The following ANKRD13C variants were observed in gnomAD, a reference collection of about 807,000 sequenced individuals.
ANKRD13C encodes the protein ankyrin repeat domain-containing protein 13C.
Under a neutral mutation model 65.5 loss-of-function variants are expected in ANKRD13C, and 16 were observed. That is an observed-to-expected ratio of 0.24 (90% confidence interval 0.17 to 0.37). ANKRD13C has a LOEUF of 0.37. ANKRD13C is among the 10% of genes least tolerant of loss of function. The probability of loss-of-function intolerance (pLI) is 1.00; values close to 1 mark genes in which losing one functional copy is unlikely to be tolerated. For missense variants in ANKRD13C, 503 were observed against 655.9 expected, an observed-to-expected ratio of 0.77 and a Z score of 2.55; for synonymous variants, 235 against 238.7, an observed-to-expected ratio of 0.98 and a Z score of 0.14.
intron 3 of ANKRD13C, among the ~76,000 whole-genome samples, chr1:70,318,389 T>C (rs1378196129): frequency 6.6e-6 from 1 of 152,192 alleles, no homozygotes; most frequent in Non-Finnish European, 1.5e-5. Context: ...AACTATGCCC[T>C]ACTGCTCCAA....
At chr1:70,330,574 C>CAAAAAAAAAA (rs71071394) in intron 2 of ANKRD13C, among the ~76,000 whole-genome samples, 101 of 68,282 alleles carry the variant, frequency 1.5e-3, no homozygotes, top group African/African-American at 2.0e-3. Context: ...ACAAACAAAC[C>CAAAAAAAAAA]AAAAAAAAAA....
chr1:70,307,630 G>A (rs1417754369), intron 5 of ANKRD13C, among the ~76,000 whole-genome samples: 2 of 152,112 alleles, frequency 1.3e-5, no homozygotes, highest in Non-Finnish European at 2.9e-5. Context: ...GTGAAATAAT[G>A]TAAGAAATCT....
intron 1 of ANKRD13C, among the ~76,000 whole-genome samples, chr1:70,352,779 G>T (rs1289888752): frequency 3.9e-5 from 6 of 152,190 alleles, no homozygotes; most frequent in Non-Finnish European, 8.8e-5. Flanking sequence ...ATGTAGGAAA[G>T]AAAAACTGGC....
intron 1 of ANKRD13C, among the ~76,000 whole-genome samples, chr1:70,338,951 G>A (rs992912349): frequency 2.0e-5 from 3 of 152,152 alleles, no homozygotes; most frequent in African/African-American, 7.2e-5. Context: ...GCCGGGCGCG[G>A]TGGCTCACGC....
chr1:70,321,518 C>A (rs1681304708), intron 3 of ANKRD13C, among the ~76,000 whole-genome samples: 1 of 152,118 alleles, frequency 6.6e-6, no homozygotes, highest in Non-Finnish European at 1.5e-5. Flanking sequence ...ACTACCATAA[C>A]ACAAGTATAC....
chr1:70,295,340 C>T (rs1199067357), intron 8 of ANKRD13C, among the ~76,000 whole-genome samples: 4 of 151,898 alleles, frequency 2.6e-5, no homozygotes, highest in African/African-American at 7.3e-5. Flanking sequence ...CTCCACCTCC[C>T]GGGTTCAAGC....
At chr1:70,303,211 T>G (rs773013392) in intron 6 of ANKRD13C, among the ~76,000 whole-genome samples, 16 of 152,238 alleles carry the variant, frequency 1.1e-4, no homozygotes, top group Non-Finnish European at 2.2e-4. Context: ...ACATATTAGA[T>G]GACCTGGTAA....
At position 70,324,927 on chromosome 1, in the gene ANKRD13C, G is replaced by C; in HGVS notation, c.503C>G (p.Ala168Gly). ...CTGAGCATTTTTCACCTTGACTGGA[G>C]CATTGTGAGCCAAAAGTAAATGGGC... ...ECAHLLLAHN[A>G]PVKVKNAQGW... is the part of the protein sequence containing the mutation. Residue 168 changes from alanine to glycine, a missense_variant, in exon 3 of 13, where the codon GCT (alanine) becomes GGT (glycine). By Grantham distance (60) the Ala-to-Gly change is moderately conservative (BLOSUM62 0). Transcript: ENST00000370944. 1.2e-6 allele frequency: 2 copies of C among 1,611,250 alleles called. No individual in the cohort carries two copies. Among genetic ancestry groups the C allele is most frequent in the South Asian group, 2.2e-5 (2 of 90,450 alleles).
chr1:70,314,837 TACAG>T (rs1451094574), intron 4 of ANKRD13C, among the ~76,000 whole-genome samples: 4 of 151,308 alleles, frequency 2.6e-5, no homozygotes, highest in African/African-American at 4.9e-5. Flanking sequence ...GCAGCAGAAA[TACAG>T]AGAAGAGAGT....
rs1681234255 is a variant in ANKRD13C, at chr1:70,319,895, A to T, written c.578-4329T>A. 3.9e-5 allele frequency among the ~76,000 whole-genome samples: 6 copies of T among 152,178 alleles called. No homozygotes were observed. The South Asian group carries it at 1.2e-3, about 32-fold the overall frequency. On this transcript the variant is annotated intron_variant, in intron 3 of 12. Coordinates refer to ENST00000370944, the MANE Select transcript of ANKRD13C (RefSeq NM_030816.5). ...AGTAGGATGACTTCCTCAATATCAA[A>T]GTTAATGGCACATCCTGACTATGTT...
At position 70,297,775 on chromosome 1, in the gene ANKRD13C, T is replaced by C. The variant is rs558811881; in HGVS notation, c.922-1514A>G. 8.4e-4 allele frequency among the ~76,000 whole-genome samples: 125 copies of C among 149,362 alleles called. No homozygotes were observed. The Middle Eastern group carries it at 0.017, about 21-fold the overall frequency. ...CTAAAAAAAAAAAATTAGCCGGGCA[T>C]GGTGGCACGCGCCTGTAGTCCCAGC... On this transcript the variant is annotated intron_variant, in intron 7 of 12. Coordinates refer to ENST00000370944, the MANE Select transcript of ANKRD13C (RefSeq NM_030816.5).
At chr1:70,308,457 G>A (rs944455936) in intron 5 of ANKRD13C, among the ~76,000 whole-genome samples, 2 of 151,892 alleles carry the variant, frequency 1.3e-5, no homozygotes, top group African/African-American at 4.8e-5. Flanking sequence ...AAAGAAAAGG[G>A]CAAGGCGCGG....
chr1:70,332,742 A>G (rs977645133), intron 2 of ANKRD13C, among the ~76,000 whole-genome samples: 1 of 152,224 alleles, frequency 6.6e-6, no homozygotes, highest in Non-Finnish European at 1.5e-5. Context: ...CTAGGATTAC[A>G]GACGTGAGCC....
intron 1 of ANKRD13C, among the ~76,000 whole-genome samples, chr1:70,340,175 G>A (rs1432562913): frequency 1.3e-5 from 2 of 152,048 alleles, no homozygotes; most frequent in Non-Finnish European, 2.9e-5. Flanking sequence ...TCTTTTCAAA[G>A]AACAAAGTGT....
intron 3 of ANKRD13C, among the ~76,000 whole-genome samples, chr1:70,321,946 CA>C (rs1681325937): frequency 6.6e-6 from 1 of 151,954 alleles, no homozygotes; most frequent in Non-Finnish European, 1.5e-5. Context: ...TCTGATTTTT[CA>C]AAAAACATAA....
rs1042568920 is a variant in ANKRD13C, at chr1:70,296,323, A to C, written c.922-62T>G. 122 of 1,487,810 alleles carry C rather than the reference A, an allele frequency of 8.2e-5. No individual in the cohort carries two copies. Among genetic ancestry groups the C allele is most frequent in the Admixed American group, 2.1e-5 (1 of 46,670 alleles). 92.2% of individuals were successfully genotyped at this position (1,487,810 alleles called of 1,614,324 possible). A position where few individuals can be genotyped will look rare whatever the true frequency, so the allele number is the denominator to read the frequency against. The stretch of plus-strand genomic sequence containing the variant: ...GTTTTTCAAAAGTTCTTAGTACTAC[A>C]TATGAAAATATCAACAATTATAATG... On this transcript the variant is annotated intron_variant, in intron 7 of 12. Transcript: ENST00000370944.
chr1:70,279,728 C>A (rs1679303267), intron 9 of ANKRD13C, among the ~76,000 whole-genome samples: 1 of 152,056 alleles, frequency 6.6e-6, no homozygotes, highest in Non-Finnish European at 1.5e-5. Flanking sequence ...GTCTCAAACT[C>A]CTGGCCTCAA....
At chr1:70,275,721 G>A (rs1035482083) in intron 10 of ANKRD13C, among the ~76,000 whole-genome samples, 25 of 151,968 alleles carry the variant, frequency 1.6e-4, no homozygotes, top group Admixed American at 3.3e-4. Flanking sequence ...CAGCATTTGG[G>A]AGGCCGAGGC....
At chr1:70,262,869 T>G in intron 12 of ANKRD13C, 22 bp from the exon 13 acceptor site, 1 of 1,588,578 alleles carries the variant, frequency 6.3e-7, no homozygotes, top group Non-Finnish European at 8.6e-7. Flanking sequence ...ACATCAATGA[T>G]AGCATTGTAA....
Sources: allele counts gnomAD v4.1 joint callset (sites outside exome capture counted in the v4.1 genomes callset), GRCh38; gene constraint gnomAD v4.1.1; transcripts MANE v1.5; gene names NCBI Gene and HGNC (gene_info 2026-07-23, HGNC 2026-07-21).